The following CXADR variants were observed in gnomAD, a reference collection of about 807,000 sequenced individuals.
The protein encoded by CXADR is CXADR cell adhesion molecule, also known as coxsackievirus and adenovirus receptor.
CXADR carries 20 observed loss-of-function variants against 40.3 expected under a neutral mutation model. The observed-to-expected ratio is 0.50, with a 90% CI of 0.35 to 0.72. The LOEUF (loss-of-function observed/expected upper bound fraction) is 0.72, where lower values mean the gene tolerates loss of function less well. Ranked by LOEUF, CXADR falls within the 30% of genes least tolerant of loss-of-function variation. The pLI is 0.01. For synonymous variants in CXADR, 150 were observed against 161.3 expected (o/e 0.93, Z 0.53); for missense variants, 332 against 449.1 (o/e 0.74, Z 2.36).
At chr21:17,593,448 A>C (rs1218032038) in exon 8 of CXADR, 1 of 277,968 alleles carries the variant, frequency 3.6e-6, no homozygotes, top group Non-Finnish European at 6.7e-6. Context: ...TATATTTTCA[A>C]TAACTACCAC....
intron 3 of CXADR, among the ~76,000 whole-genome samples, chr21:17,555,674 T>C (rs764865808): frequency 6.6e-6 from 1 of 152,210 alleles, no homozygotes; most frequent in Admixed American, 6.5e-5. Context: ...TCATGTCTTA[T>C]TGTTAATCGT....
chr21:17,604,629 G>C, the CXADR span, among the ~76,000 whole-genome samples: 2 of 152,296 alleles, frequency 1.3e-5, no homozygotes, highest in South Asian at 2.1e-4. Flanking sequence ...TCTTGGCAAA[G>C]CACTACTAGA....
chr21:17,591,463 A>G (rs115204411), intron 7 of CXADR, among the ~76,000 whole-genome samples: 121 of 152,182 alleles, frequency 8.0e-4, no homozygotes, highest in African/African-American at 2.9e-3. Context: ...CTGTTAGCTG[A>G]GAAGTCAACA....
chr21:17,629,633 G>A, the CXADR span, among the ~76,000 whole-genome samples: 2 of 152,000 alleles, frequency 1.3e-5, no homozygotes, highest in African/African-American at 2.4e-5. Context: ...ATTGCAACTT[G>A]TAATTCATAC....
At chr21:17,531,106 T>C (rs1242013400) in intron 1 of CXADR, among the ~76,000 whole-genome samples, 1 of 152,104 alleles carries the variant, frequency 6.6e-6, no homozygotes, top group Admixed American at 6.5e-5. Flanking sequence ...AAGACCAGAC[T>C]GGCCAGCGTG....
At chr21:17,604,424 A>C in the CXADR span, 1 of 182,860 alleles carries the variant, frequency 5.5e-6, no homozygotes, top group African/African-American at 2.4e-5. Context: ...CAGCCTGGGC[A>C]ACAAGAGTGA....
intron 7 of CXADR, among the ~76,000 whole-genome samples, chr21:17,577,612 CTTTTTTTTTT>C (rs532541050): frequency 1.6e-4 from 6 of 36,576 alleles, no homozygotes; most frequent in South Asian, 1.9e-3. Flanking sequence ...ATTCTGCAAG[CTTTTTTTTTT>C]TTTTTTTTTT....
chr21:17,513,879 T>C (rs551153359), intron 1 of CXADR, among the ~76,000 whole-genome samples: 1 of 152,314 alleles, frequency 6.6e-6, no homozygotes, highest in Admixed American at 6.5e-5. Context: ...TTCAGTGACC[T>C]CGTTTTTGAG....
chr21:17,556,013 A>G (rs1192463683), intron 3 of CXADR, among the ~76,000 whole-genome samples: 1 of 152,210 alleles, frequency 6.6e-6, no homozygotes, highest in Non-Finnish European at 1.5e-5. Flanking sequence ...CGTGTATGGA[A>G]CAGAGCATTA....
the CXADR span, among the ~76,000 whole-genome samples, chr21:17,600,918 C>T: frequency 6.6e-6 from 1 of 152,164 alleles, no homozygotes; most frequent in South Asian, 2.1e-4. Flanking sequence ...AATCCCAGCA[C>T]TTTGGGAGGC....
the CXADR span, among the ~76,000 whole-genome samples, chr21:17,630,352 A>C: frequency 6.6e-6 from 1 of 152,212 alleles, no homozygotes; most frequent in African/African-American, 2.4e-5. Context: ...TTCTTTGCTA[A>C]ATATTTGAAA....
intron 7 of CXADR, among the ~76,000 whole-genome samples, chr21:17,582,880 G>A (rs1365903031): frequency 1.3e-5 from 2 of 152,160 alleles, no homozygotes; most frequent in Non-Finnish European, 2.9e-5. Flanking sequence ...GTTCAATGTT[G>A]GCTGCTGGCA....
the CXADR span, among the ~76,000 whole-genome samples, chr21:17,634,371 C>G: frequency 1.3e-5 from 2 of 152,170 alleles, no homozygotes; most frequent in Non-Finnish European, 2.9e-5. Flanking sequence ...TGTTGCGTAT[C>G]TTTTTAAAGT....
chr21:17,524,240 C>T (rs568232800), intron 1 of CXADR, among the ~76,000 whole-genome samples: 90 of 152,062 alleles, frequency 5.9e-4, no homozygotes, highest in African/African-American at 2.0e-3. Flanking sequence ...CTTCCCTCAA[C>T]TTATTGCCTC....
chr21:17,596,657 T>C (rs1019536386), downstream of CXADR, among the ~76,000 whole-genome samples: 3 of 152,084 alleles, frequency 2.0e-5, no homozygotes, highest in African/African-American at 7.2e-5. Context: ...ATTTGTATGT[T>C]TTTAAACCAT....
intron 1 of CXADR, chr21:17,518,410 C>G (rs1254468425): frequency 3.5e-6 from 2 of 578,130 alleles, no homozygotes; most frequent in Non-Finnish European, 6.3e-6. Flanking sequence ...TATTAATATA[C>G]AAAATATTTA....
the CXADR span, among the ~76,000 whole-genome samples, chr21:17,617,101 C>T: frequency 2.6e-5 from 4 of 152,270 alleles, no homozygotes; most frequent in African/African-American, 9.6e-5. Context: ...TCAAACTTGG[C>T]TCATCTTTTT....
intron 7 of CXADR, among the ~76,000 whole-genome samples, chr21:17,577,347 A>T (rs527914640): frequency 1.3e-5 from 2 of 152,258 alleles, no homozygotes; most frequent in South Asian, 4.1e-4. Flanking sequence ...TATCCTAAAC[A>T]TCTGTTGTTG....
intron 7 of CXADR, among the ~76,000 whole-genome samples, chr21:17,579,777 T>C (rs1247221555): frequency 6.6e-6 from 1 of 152,198 alleles, no homozygotes; most frequent in South Asian, 2.1e-4. Flanking sequence ...AATCACAAAC[T>C]TGTTACACTG....
Sources: allele counts gnomAD v4.1 joint callset (sites outside exome capture counted in the v4.1 genomes callset), GRCh38; gene constraint gnomAD v4.1.1; transcripts MANE v1.5; gene names NCBI Gene and HGNC (gene_info 2026-07-23, HGNC 2026-07-21).